Variants in TPST1 observed in about 807,000 individuals in gnomAD.
The protein encoded by TPST1 is tyrosylprotein sulfotransferase 1, also known as protein-tyrosine sulfotransferase 1.
TPST1 carries 20 observed loss-of-function variants against 34.8 expected under a neutral mutation model. The observed-to-expected ratio is 0.57, with a 90% CI of 0.40 to 0.84. TPST1 has a LOEUF of 0.84. Ranked by LOEUF, TPST1 falls within the 40% of genes least tolerant of loss-of-function variation. The pLI, the probability that TPST1 is intolerant of heterozygous loss-of-function variation, is 0.00. For missense variants in TPST1, 353 were observed against 455.5 expected (o/e 0.78, Z 2.05); for synonymous variants, 152 against 159.4 (o/e 0.95, Z 0.35).
chr7:66,208,820 G>A (rs540570277), intron 1 of TPST1, among the ~76,000 whole-genome samples: 2 of 152,218 alleles, frequency 1.3e-5, no homozygotes, highest in South Asian at 4.1e-4. Context: ...ACTGACTTGA[G>A]AGTGAACCCT....
At position 66,268,705 on chromosome 7, in the gene TPST1, AT is replaced by A. The variant is rs35475107; in HGVS notation, c.846-17793del. Among the ~76,000 whole-genome samples, 292 of 145,914 alleles carry A rather than the reference AT, an allele frequency of 2.0e-3. 1 individual carries two copies. The highest frequency in any genetic ancestry group is 0.014 in the South Asian group (63 of 4,596). ...AGAGAAATAATCACAACTGTAAACG[AT>A]TTTTTTTTTTTTGAGACAGAATCTT... On this transcript the variant is annotated intron_variant, in intron 2 of 5. Transcript: ENST00000304842.
intron 2 of TPST1, among the ~76,000 whole-genome samples, chr7:66,248,899 C>G (rs562670728): frequency 1.3e-5 from 2 of 152,198 alleles, no homozygotes; most frequent in South Asian, 2.1e-4. Context: ...TGGGTTCTTA[C>G]AAACACAGAA....
intron 1 of TPST1, among the ~76,000 whole-genome samples, chr7:66,233,074 G>C (rs962667408): frequency 6.6e-6 from 1 of 151,860 alleles, no homozygotes; most frequent in Non-Finnish European, 1.5e-5. Context: ...TTGTTGAATT[G>C]TAATAGTTTT....
At chr7:66,335,409 C>T (rs1324414945) in intron 3 of TPST1, among the ~76,000 whole-genome samples, 16 of 151,624 alleles carry the variant, frequency 1.1e-4, no homozygotes, top group South Asian at 2.1e-4. Context: ...GAGCCAAGAT[C>T]GCACCACTGA....
intron 3 of TPST1, among the ~76,000 whole-genome samples, chr7:66,349,000 G>A (rs1207066374): frequency 6.6e-6 from 1 of 151,992 alleles, no homozygotes; most frequent in African/African-American, 2.4e-5. Flanking sequence ...TACTTATAGT[G>A]TTGAATGTTC....
chr7:66,277,192 G>T (rs1049041657), intron 2 of TPST1, among the ~76,000 whole-genome samples: 1 of 152,106 alleles, frequency 6.6e-6, no homozygotes, highest in East Asian at 1.9e-4. Flanking sequence ...TGGCTGGTTG[G>T]TTTCAAGTTC....
chr7:66,272,523 G>A (rs577601957), intron 2 of TPST1, among the ~76,000 whole-genome samples: 1 of 150,560 alleles, frequency 6.6e-6, no homozygotes, highest in African/African-American at 2.4e-5. Flanking sequence ...CCTCAGTGGT[G>A]AAAAGTTGAA....
At chr7:66,234,663 T>TTTTG (rs199744147) in intron 1 of TPST1, among the ~76,000 whole-genome samples, 2,225 of 151,932 alleles carry the variant, frequency 0.015, 57 homozygotes, top group East Asian at 0.091. Context: ...TTCAGGGAAG[T>TTTTG]TTTGTTTGTT....
upstream of TPST1, among the ~76,000 whole-genome samples, chr7:66,203,675 C>T (rs980601312): frequency 2.0e-5 from 3 of 151,306 alleles, no homozygotes; most frequent in South Asian, 2.1e-4. Context: ...TTAGTAGAGA[C>T]GGGGTTTCAC....
At chr7:66,323,996 C>A (rs752999432) in intron 3 of TPST1, among the ~76,000 whole-genome samples, 10 of 152,088 alleles carry the variant, frequency 6.6e-5, no homozygotes, top group Non-Finnish European at 1.2e-4. Flanking sequence ...ACCTAAATGT[C>A]CATCTACAGA....
At chr7:66,241,364 A>G (rs1432609740) in intron 2 of TPST1, 94 bp downstream of exon 2, 4 of 1,441,960 alleles carry the variant, frequency 2.8e-6, no homozygotes, top group South Asian at 3.0e-5. Context: ...ATATGTGTGT[A>G]TGTTCCTGTG....
At chr7:66,350,829 GT>G (rs966776122) in intron 3 of TPST1, among the ~76,000 whole-genome samples, 1 of 151,246 alleles carries the variant, frequency 6.6e-6, no homozygotes, top group African/African-American at 2.4e-5. Flanking sequence ...TTGTTCCCAA[GT>G]TTTTTTTTGC....
At chr7:66,352,839 G>C (rs953453549) in intron 4 of TPST1, 1 of 985,402 alleles carries the variant, frequency 1.0e-6, no homozygotes, top group Non-Finnish European at 1.2e-6. Context: ...TCCTGCACAA[G>C]CCGCCCAGTG....
chr7:66,296,196 G>GT (rs1028610279), intron 3 of TPST1, among the ~76,000 whole-genome samples: 71 of 150,300 alleles, frequency 4.7e-4, no homozygotes, highest in Admixed American at 2.7e-4. Flanking sequence ...CACACTTGTG[G>GT]TTTTTGAAAG....
At chr7:66,219,979 G>A (rs1024221438) in intron 1 of TPST1, among the ~76,000 whole-genome samples, 3 of 152,140 alleles carry the variant, frequency 2.0e-5, no homozygotes, top group Non-Finnish European at 4.4e-5. Flanking sequence ...AGAGTGCAAA[G>A]TGATGATAGA....
intron 1 of TPST1, among the ~76,000 whole-genome samples, chr7:66,213,757 A>AG (rs1158919573): frequency 6.6e-6 from 1 of 152,020 alleles, no homozygotes; most frequent in East Asian, 1.9e-4. Context: ...AAAAAAAAAA[A>AG]AAGAATAATG....
chr7:66,232,649 G>A (rs555043207), intron 1 of TPST1, among the ~76,000 whole-genome samples: 15 of 152,216 alleles, frequency 9.9e-5, no homozygotes, highest in East Asian at 3.9e-4. Context: ...GAGCCACCGC[G>A]CCCGGCCCAT....
intron 2 of TPST1, among the ~76,000 whole-genome samples, chr7:66,250,004 A>C (rs772066351): frequency 1.3e-5 from 2 of 152,214 alleles, no homozygotes; most frequent in Non-Finnish European, 2.9e-5. Flanking sequence ...GACTTTGTTT[A>C]AAGTCTTTCA....
chr7:66,285,761 G>A (rs536405916), intron 2 of TPST1, among the ~76,000 whole-genome samples: 1 of 152,198 alleles, frequency 6.6e-6, no homozygotes, highest in African/African-American at 2.4e-5. Context: ...TTTATCCTGA[G>A]GTTGCTAGTT....
Sources: allele counts gnomAD v4.1 joint callset (sites outside exome capture counted in the v4.1 genomes callset), GRCh38; gene constraint gnomAD v4.1.1; transcripts MANE v1.5; gene names NCBI Gene and HGNC (gene_info 2026-07-23, HGNC 2026-07-21).